Variants in CMIP observed in about 807,000 individuals in gnomAD.
CMIP encodes the protein C-Maf-inducing protein.
In CMIP, 13 loss-of-function variants were observed where a neutral mutation model predicts 97.3. The ratio of observed to expected loss-of-function variants is 0.13; its 90% CI spans 0.09 to 0.21. The LOEUF (loss-of-function observed/expected upper bound fraction) is 0.21, where lower values mean the gene tolerates loss of function less well. CMIP is among the 10% of genes least tolerant of loss of function. CMIP has a pLI of 1.00. For missense variants in CMIP, 847 were observed against 1,024.9 expected (o/e 0.83, Z 2.37); for synonymous variants, 538 against 436.3 (o/e 1.23, Z -2.91).
At chr16:81,605,586 G>A (rs976156506) in intron 1 of CMIP, among the ~76,000 whole-genome samples, 10 of 152,132 alleles carry the variant, frequency 6.6e-5, no homozygotes, top group Admixed American at 5.2e-4. Flanking sequence ...TCTCTCCAAC[G>A]CATCGCTTAC....
intron 1 of CMIP, among the ~76,000 whole-genome samples, chr16:81,455,385 A>C (rs1041347970): frequency 2.0e-5 from 3 of 152,232 alleles, no homozygotes; most frequent in South Asian, 4.1e-4. Flanking sequence ...ACTGCCCCTC[A>C]ACAGACATAG....
intron 1 of CMIP, among the ~76,000 whole-genome samples, chr16:81,577,484 TTATCAC>T (rs1363418027): frequency 1.1e-5 from 1 of 91,870 alleles, no homozygotes; most frequent in Non-Finnish European, 3.1e-5. Context: ...CACTATATTA[TTATCAC>T]TATCACCATC....
rs1407097244 is a variant in CMIP at position 81,678,561 on chromosome 16, A to G, written c.1321A>G (p.Met441Val). Residue 441 changes from methionine to valine, a missense_variant, in exon 10 of 21, where the codon ATG becomes GTG. By Grantham distance (21) the Met-to-Val change is conservative (BLOSUM62 1). This residue lies in a region of CMIP where 202 missense variants were observed against 168.7 expected (regional missense o/e 1.20). Transcript: ENST00000537098. ...CATGGTCAGCCCCGCCTGCAGCACC[A>G]TGAGCATCGAGCTGGGCCCCCAGGC... ...CLMVSPACST[M>V]SIELGPQADR... is the part of the protein sequence containing the mutation. 2.5e-6 allele frequency: 4 copies of G among 1,608,804 alleles called. No homozygotes were observed. Among genetic ancestry groups the G allele is most frequent in the Non-Finnish European group, 3.4e-6 (4 of 1,178,614 alleles).
chr16:81,572,672 A>C (rs1425862842), intron 1 of CMIP, among the ~76,000 whole-genome samples: 1 of 152,116 alleles, frequency 6.6e-6, no homozygotes, highest in Non-Finnish European at 1.5e-5. Context: ...AATCCCGTTG[A>C]GTCTTACTTC....
chr16:81,539,321 G>C (rs965641146), intron 1 of CMIP, among the ~76,000 whole-genome samples: 1 of 152,212 alleles, frequency 6.6e-6, no homozygotes, highest in African/African-American at 2.4e-5. Flanking sequence ...AGGCGTCCTT[G>C]GGGGTGGAGG....
rs542108517 is a variant in CMIP, at chr16:81,603,153, C to T, written c.301-4414C>T. On this transcript the variant is annotated intron_variant, in intron 1 of 20. Coordinates refer to ENST00000537098, the MANE Select transcript of CMIP (RefSeq NM_198390.3). ...ACAGTGCAGTGGCGCGATCTCGGCT[C>T]ACTGCAAGCTTCACCTCCCGGGTTC... Among the ~76,000 whole-genome samples the T allele has an allele frequency of 3.9e-5, 6 of 152,254 alleles. No individual in the cohort carries two copies. The East Asian group carries it at 7.7e-4, about 20-fold the overall frequency.
rs532760280 is a variant in CMIP, at chr16:81,659,652, T to C, written c.682-1232T>C. ...ACACCTGTGGGTCCCACTGAGTGCC[T>C]GGAAGCCCTGGATGGAGGACAAGGG... On this transcript the variant is annotated intron_variant, in intron 5 of 20. Coordinates refer to ENST00000537098, the MANE Select transcript of CMIP (RefSeq NM_198390.3). Among the ~76,000 whole-genome samples, 5 of 152,322 alleles carry C rather than the reference T, an allele frequency of 3.3e-5. No homozygotes were observed. In the East Asian group the frequency reaches 9.6e-4, roughly 29 times the overall value.
intron 8 of CMIP, 141 bp downstream of exon 8, chr16:81,670,386 T>C (rs2092671076): frequency 1.2e-6 from 1 of 844,468 alleles, no homozygotes; most frequent in Non-Finnish European, 1.8e-6. Context: ...TACTGCACGG[T>C]GCCCGATAGG....
At position 81,699,605 on chromosome 16, in the gene CMIP, T is replaced by C; in HGVS notation, c.1639-80T>C. The stretch of plus-strand genomic sequence containing the variant: ...TGTAGGCAGGTCTGTTCAACGGCTC[T>C]TGGGCTCACTTCCTGCCAGCACGCT... On this transcript the variant is annotated intron_variant, in intron 14 of 20. Transcript: ENST00000537098. 3 of 888,812 alleles carry C rather than the reference T, an allele frequency of 3.4e-6. No individual in the cohort carries two copies. In the South Asian group the frequency reaches 4.3e-5, roughly 13 times the overall value. The allele number at this position is 888,812 out of a possible 1,614,324, so 55.1% of individuals were successfully genotyped here.
At chr16:81,650,612 C>T (rs1311895636) in intron 3 of CMIP, among the ~76,000 whole-genome samples, 4 of 151,982 alleles carry the variant, frequency 2.6e-5, no homozygotes, top group Non-Finnish European at 5.9e-5. Flanking sequence ...GATGGGATGC[C>T]GTATTGGCCT....
chr16:81,517,105 C>T (rs139602257), intron 1 of CMIP, among the ~76,000 whole-genome samples: 1 of 150,014 alleles, frequency 6.7e-6, no homozygotes, highest in Admixed American at 6.6e-5. Flanking sequence ...GAAAACCAGA[C>T]GGCCTCCAAG....
rs115934179 is a variant in CMIP, at chr16:81,465,572, A to G, written c.300+20031A>G. 7.2e-3 allele frequency among the ~76,000 whole-genome samples: 1,095 copies of G among 152,368 alleles called. 11 individuals carry two copies. Among genetic ancestry groups the G allele is most frequent in the African/African-American group, 0.025 (1,038 of 41,584 alleles). ...AATGCCTGGTTGTGGTTAGTGCTCAATAAGTATTTGTTGAATGAGCTAATA... is the reference window on the plus strand; with the variant it reads ...AATGCCTGGTTGTGGTTAGTGCTCAGTAAGTATTTGTTGAATGAGCTAATA... On this transcript the variant is annotated intron_variant, in intron 1 of 20. Transcript: ENST00000537098.
rs537077068 is a variant in CMIP, at chr16:81,616,786, T to C, written c.427-4090T>C. On this transcript the variant is annotated intron_variant, in intron 2 of 20. Transcript: ENST00000537098. The surrounding 1 kb of genome is among the most constrained non-coding windows in gnomAD (Gnocchi z 4.7). The stretch of plus-strand genomic sequence containing the variant: ...AAGGATGGGGCTGAGAAGAGACTGA[T>C]GTGTAGCAGTGTCTGTGGTCAGTGG... 4.6e-5 allele frequency among the ~76,000 whole-genome samples: 7 copies of C among 152,300 alleles called. No individual in the cohort carries two copies. In the East Asian group the frequency reaches 1.4e-3, roughly 29 times the overall value.
chr16:81,676,274 T>C (rs1181112532), intron 9 of CMIP, among the ~76,000 whole-genome samples: 1 of 152,090 alleles, frequency 6.6e-6, no homozygotes, highest in Non-Finnish European at 1.5e-5. Flanking sequence ...AGAAGCACGA[T>C]GCTGCCAACA....
chr16:81,493,701 C>T (rs1401835409), intron 1 of CMIP, among the ~76,000 whole-genome samples: 1 of 152,240 alleles, frequency 6.6e-6, no homozygotes, highest in Non-Finnish European at 1.5e-5. Flanking sequence ...ATAACAATGG[C>T]AGCAACAAAC....
chr16:81,670,313 G>A, intron 8 of CMIP, 68 bp downstream of exon 8: 2 of 1,485,880 alleles, frequency 1.3e-6, no homozygotes, highest in South Asian at 1.2e-5. Context: ...TGTTTACTCA[G>A]ATATCCACGG....
chr16:81,449,908 A>T (rs1456365410), intron 1 of CMIP, among the ~76,000 whole-genome samples: 1 of 152,218 alleles, frequency 6.6e-6, no homozygotes, highest in Non-Finnish European at 1.5e-5. Flanking sequence ...GCAATCTGAG[A>T]TGCCTGTTCC....
At chr16:81,669,333 C>A (rs1357998189) in intron 7 of CMIP, among the ~76,000 whole-genome samples, 1 of 72,478 alleles carries the variant, frequency 1.4e-5, no homozygotes, top group African/African-American at 4.5e-5. Flanking sequence ...CACTTCATAC[C>A]TCCTTCCACA....
At chr16:81,537,724 G>C (rs72829012) in intron 1 of CMIP, among the ~76,000 whole-genome samples, 36 of 151,682 alleles carry the variant, frequency 2.4e-4, no homozygotes, top group African/African-American at 6.5e-4. Flanking sequence ...GAAAAGAAAA[G>C]AAATGCCCCA....
Sources: allele counts gnomAD v4.1 joint callset (sites outside exome capture counted in the v4.1 genomes callset), GRCh38; gene constraint gnomAD v4.1.1; regional missense constraint gnomAD v4.1.1; non-coding constraint Gnocchi (gnomAD v3.1); transcripts MANE v1.5; gene names NCBI Gene and HGNC (gene_info 2026-07-23, HGNC 2026-07-21).